PTBP2: variants seen among roughly 807,000 people sequenced by gnomAD.
PTBP2 encodes the protein polypyrimidine tract-binding protein 2.
A neutral mutation model predicts 61.4 loss-of-function variants in PTBP2; 13 were observed. The ratio of observed to expected loss-of-function variants is 0.21; its 90% CI spans 0.14 to 0.34. The LOEUF (loss-of-function observed/expected upper bound fraction) is 0.34, where lower values mean the gene tolerates loss of function less well. Ranked by LOEUF, PTBP2 falls within the 10% of genes least tolerant of loss-of-function variation. The probability of loss-of-function intolerance (pLI) is 1.00; values close to 1 mark genes in which losing one functional copy is unlikely to be tolerated. For missense variants in PTBP2, 405 were observed against 642.6 expected, an observed-to-expected ratio of 0.63 and a Z score of 4.00; for synonymous variants, 215 against 218.5, an observed-to-expected ratio of 0.98 and a Z score of 0.14.
chr1:96,772,096 C>T (rs1657448727), intron 5 of PTBP2, among the ~76,000 whole-genome samples: 1 of 152,092 alleles, frequency 6.6e-6, no homozygotes, highest in Non-Finnish European at 1.5e-5. Context: ...AGGTTGAGGG[C>T]TCAGTCCCAC....
chr1:96,801,347 C>T (rs1308776926), intron 8 of PTBP2, among the ~76,000 whole-genome samples: 2 of 152,028 alleles, frequency 1.3e-5, no homozygotes, highest in African/African-American at 4.8e-5. Flanking sequence ...TTTTTGAGCA[C>T]TCCATATGTA....
At chr1:96,777,809 A>C (rs1658204142) in intron 6 of PTBP2, 27 bp from the exon 7 acceptor site, 2 of 1,535,920 alleles carry the variant, frequency 1.3e-6, no homozygotes, top group Non-Finnish European at 1.8e-6. Flanking sequence ...GTAAATAAGT[A>C]ATGTTTTGAT....
At chr1:96,772,655 G>T (rs983274163) in intron 5 of PTBP2, among the ~76,000 whole-genome samples, 8 of 152,144 alleles carry the variant, frequency 5.3e-5, no homozygotes, top group African/African-American at 1.9e-4. Context: ...ACATATGTAA[G>T]TGAGATAATG....
At chr1:96,756,733 C>A (rs1655202156) in intron 3 of PTBP2, among the ~76,000 whole-genome samples, 1 of 152,026 alleles carries the variant, frequency 6.6e-6, no homozygotes, top group Non-Finnish European at 1.5e-5. Flanking sequence ...CTGGAAAAAG[C>A]AAAATTATGG....
At chr1:96,820,858 G>A (rs1230017855) in exon 14 of PTBP2, 1 of 151,934 alleles carries the variant, frequency 6.6e-6, no homozygotes, top group Non-Finnish European at 1.5e-5. Context: ...GGTTTTTATT[G>A]TATGATTTTG....
At chr1:96,750,912 A>T (rs953779311) in intron 2 of PTBP2, among the ~76,000 whole-genome samples, 2 of 152,086 alleles carry the variant, frequency 1.3e-5, no homozygotes, top group Non-Finnish European at 2.9e-5. Context: ...GCAGAAAGAA[A>T]TCTCTTCATT....
intron 8 of PTBP2, among the ~76,000 whole-genome samples, chr1:96,802,664 T>C (rs1402705184): frequency 2.0e-5 from 3 of 152,194 alleles, no homozygotes; most frequent in African/African-American, 7.2e-5. Flanking sequence ...TGAGGCTTGG[T>C]ACTGAACTTC....
intron 2 of PTBP2, chr1:96,749,712 TATGTGGGGAC>T (rs1284665929): frequency 2.2e-6 from 1 of 454,054 alleles, no homozygotes; most frequent in African/African-American, 2.0e-5. Flanking sequence ...AGTCAATAAA[TATGTGGGGAC>T]ATTGTACTTG....
At chr1:96,779,044 C>G (rs963120602) in intron 7 of PTBP2, among the ~76,000 whole-genome samples, 4 of 152,114 alleles carry the variant, frequency 2.6e-5, no homozygotes, top group African/African-American at 7.2e-5. Context: ...GAATTACTTA[C>G]AGTGAACACC....
At chr1:96,812,624 T>A in intron 11 of PTBP2, 88 bp from the exon 12 acceptor site, 1 of 1,072,890 alleles carries the variant, frequency 9.3e-7, no homozygotes, top group East Asian at 2.6e-5. Context: ...CATAAGAAAA[T>A]TCAAATTTTT....
chr1:96,803,480 G>A (rs568602380), intron 8 of PTBP2, among the ~76,000 whole-genome samples: 6 of 152,024 alleles, frequency 3.9e-5, no homozygotes, highest in Non-Finnish European at 8.8e-5. Context: ...CTCATCAAGA[G>A]CAAGAGTATT....
intron 8 of PTBP2, among the ~76,000 whole-genome samples, chr1:96,794,371 A>G (rs1487339628): frequency 6.6e-6 from 1 of 152,222 alleles, no homozygotes; most frequent in Non-Finnish European, 1.5e-5. Flanking sequence ...TGGCTAAAAC[A>G]AAGAAAATAC....
At chr1:96,787,779 A>G (rs1159158068) in intron 8 of PTBP2, among the ~76,000 whole-genome samples, 2 of 152,210 alleles carry the variant, frequency 1.3e-5, no homozygotes, top group African/African-American at 4.8e-5. Flanking sequence ...TTTGTTTTAA[A>G]AGATAGCTTT....
chr1:96,792,197 A>G (rs1659921754), intron 8 of PTBP2, among the ~76,000 whole-genome samples: 1 of 152,160 alleles, frequency 6.6e-6, no homozygotes, highest in South Asian at 2.1e-4. Context: ...TGTAGCTTAG[A>G]ATGAAATTGT....
At chr1:96,770,178 A>G (rs1657222806) in intron 4 of PTBP2, among the ~76,000 whole-genome samples, 1 of 152,050 alleles carries the variant, frequency 6.6e-6, no homozygotes, top group African/African-American at 2.4e-5. Context: ...GGTATCAGAA[A>G]TCAGCAGGGG....
chr1:96,818,804 T>C (rs1018452333), downstream of PTBP2: 1 of 152,062 alleles, frequency 6.6e-6, no homozygotes, highest in African/African-American at 2.4e-5. Flanking sequence ...AACCCGGATA[T>C]CTAGTTTTAA....
intron 2 of PTBP2, among the ~76,000 whole-genome samples, chr1:96,725,340 G>A (rs911096849): frequency 6.4e-5 from 9 of 140,508 alleles, no homozygotes; most frequent in East Asian, 2.1e-4. Flanking sequence ...CTCACTCTTC[G>A]CCCAGGTGGA....
At chr1:96,769,489 AT>A (rs577544124) in intron 3 of PTBP2, among the ~76,000 whole-genome samples, 411 of 152,132 alleles carry the variant, frequency 2.7e-3, no homozygotes, top group African/African-American at 9.4e-3. Flanking sequence ...ATTAACAGCA[AT>A]CTTAAATAGT....
At chr1:96,804,700 G>A (rs529442647) in intron 8 of PTBP2, 100 bp from the exon 9 acceptor site, 41 of 1,219,158 alleles carry the variant, frequency 3.4e-5, no homozygotes, top group Admixed American at 2.7e-4. Flanking sequence ...ATGGTCAGCC[G>A]TAAGCCATGC....
Sources: gnomAD v4.1 joint callset for allele counts (sites outside exome capture counted in the v4.1 genomes callset) on GRCh38, gnomAD v4.1.1 for gene constraint, MANE v1.5 for transcripts, NCBI Gene and HGNC (gene_info 2026-07-23, HGNC 2026-07-21) for gene names.